Variants in TSR3 observed in about 807,000 individuals in gnomAD.
TSR3 encodes the protein 18S rRNA aminocarboxypropyltransferase.
Under a neutral mutation model 28.1 loss-of-function variants are expected in TSR3, and 31 were observed. The observed-to-expected ratio is 1.10, with a 90% confidence interval of 0.83 to 1.49. The LOEUF (loss-of-function observed/expected upper bound fraction) is 1.49. Ranked by LOEUF, TSR3 falls within the 40% of genes most tolerant of loss-of-function variation. The probability of loss-of-function intolerance (pLI) is 0.00; values close to 1 mark genes in which losing one functional copy is unlikely to be tolerated. For synonymous variants in TSR3, 219 were observed against 197.2 expected, an observed-to-expected ratio of 1.11 and a Z score of -0.93; for missense variants, 511 against 444.0, an observed-to-expected ratio of 1.15 and a Z score of -1.36.
intron 3 of TSR3, 147 bp from the exon 4 acceptor site, chr16:1,350,381 G>T (rs2034637991): frequency 1.1e-6 from 1 of 877,748 alleles, no homozygotes; most frequent in African/African-American, 1.7e-5. Flanking sequence ...AACCCGTGCT[G>T]CCCCCAGCCT....
Position 1,349,247 on chromosome 16 carries a change from C to T in TSR3, c.*190G>A. On this transcript the variant is annotated 3_prime_UTR_variant, in exon 6 of 6. Coordinates refer to ENST00000007390, the MANE Select transcript of TSR3 (RefSeq NM_001001410.3). ...AACAGACTCACAAGGGGCTTCTTGG[C>T]CTGCAGCTTCATTTGCGAGAGCGCC... 4 of 682,628 alleles carry T rather than the reference C, an allele frequency of 5.9e-6. No homozygotes were observed. In the South Asian group the frequency reaches 7.0e-5, roughly 12 times the overall value. 42.3% of individuals were successfully genotyped at this position (682,628 alleles called of 1,614,324 possible).
chr16:1,350,010 A>AC (rs752098196), intron 4 of TSR3, 48 bp downstream of exon 4: 8 of 1,609,184 alleles, frequency 5.0e-6, no homozygotes, highest in African/African-American at 2.7e-5. Context: ...CAGGCCTCCC[A>AC]CCCCCCAGGC....
At chr16:1,350,570 G>A (rs1734739263) in intron 3 of TSR3, among the ~76,000 whole-genome samples, 1 of 152,174 alleles carries the variant, frequency 6.6e-6, no homozygotes, top group South Asian at 2.1e-4. Flanking sequence ...CCCTGATAAT[G>A]AATGGCACCC....
rs1309358236 is a variant in TSR3 at position 1,351,508 on chromosome 16, C to A, written c.203G>T (p.Cys68Phe). The A allele has an allele frequency of 6.5e-7, 1 of 1,540,290 alleles. No homozygotes were observed. Among genetic ancestry groups the A allele is most frequent in the Admixed American group, 1.9e-5 (1 of 51,714 alleles). ...GCGGCCCGTGCAGCGCCGGGGGTCG[C>A]AGTGGCCCAACTCCCACATGGCCAG... ...CTLAMWELGH[C>F]DPRRCTGRKL... The change falls in exon 2 of 6, where the codon TGC becomes TTC. Residue 68 changes from cysteine (C) to phenylalanine (F), a missense_variant. By Grantham distance (205) the Cys-to-Phe change is radical. Coordinates refer to ENST00000007390, the MANE Select transcript of TSR3 (RefSeq NM_001001410.3).
In TSR3 at chr16:1,351,786, C is replaced by A; in HGVS notation, c.19G>T (p.Ala7Ser). 1 of 1,336,782 alleles carries A rather than the reference C, an allele frequency of 7.5e-7. No individual in the cohort carries two copies. Among genetic ancestry groups the A allele is most frequent in the South Asian group, 1.9e-5 (1 of 52,280 alleles). The allele number at this position is 1,336,782 out of a possible 1,614,324, so 82.8% of individuals were successfully genotyped here. The change falls in exon 1 of 6, where the codon GCG becomes TCG. Residue 7 changes from alanine (A) to serine (S), a missense_variant. By Grantham distance (99) the Ala-to-Ser change is moderately conservative. Coordinates refer to ENST00000007390, the MANE Select transcript of TSR3 (RefSeq NM_001001410.3). MGRRRA[A>S]RGPGAEGGRP... ...CCGCCTTCCGCCCCCGGCCCGCGCG[C>A]TGCCCTCCTGCGGCCCATGGCGCGG...
rs778830021 is a variant in TSR3 at position 1,351,348 on chromosome 16, AGAC to A, written c.332+28_332+30del. The A allele has an allele frequency of 8.4e-6, 13 of 1,554,834 alleles. No homozygotes were observed. The South Asian group carries it at 9.3e-5, about 11-fold the overall frequency. On this transcript the variant is annotated intron_variant, in intron 2 of 5. Transcript: ENST00000007390. ...GAAGGGAACCACGCGCTGGAAATGAAGACGACCTCGGGCAGGCCTCCCGCGCCT... is the reference window on the plus strand; with the variant it reads ...GAAGGGAACCACGCGCTGGAAATGAAGACCTCGGGCAGGCCTCCCGCGCCT...
At position 1,351,757 on chromosome 16, in the gene TSR3, G is replaced by A. The variant is rs2141632225; in HGVS notation, c.48C>T (p.Arg16=). ...GGGAGCGCGTCGGGAGGTGCCGAGG[G>A]CGGCCGCCTTCCGCCCCCGGCCCGC... ...AARGPGAEGG[R]PRHLPTRSLE... is the part of the protein sequence containing the mutation. The change falls in exon 1 of 6, where the codon CGC becomes CGT. Residue 16 remains arginine (R), a synonymous_variant. Transcript: ENST00000007390. 1 of 1,355,006 alleles carries A rather than the reference G, an allele frequency of 7.4e-7. No homozygotes were observed. The highest frequency in any genetic ancestry group is 9.4e-7 in the Non-Finnish European group (1 of 1,058,974). 83.9% of individuals were successfully genotyped at this position (1,355,006 alleles called of 1,614,324 possible). A position where few individuals can be genotyped will look rare whatever the true frequency, so the allele number is the denominator to read the frequency against.
rs1491377397 is a variant in TSR3 at position 1,349,437 on chromosome 16, TCA to T, written c.937_938del (p.Ter313ArgfsTer12). On this transcript the variant is annotated frameshift_variant and stop_lost, in exon 6 of 6. Transcript: ENST00000007390. LOFTEE classifies it high-confidence loss of function. ...TCAAAAATATATGTGTCTGCAACCCTCAGTCTCTCTGCCGTTTCTTGATTCCT... is the reference window on the plus strand; with the variant it reads ...TCAAAAATATATGTGTCTGCAACCCTGTCTCTCTGCCGTTTCTTGATTCCT... ...WKGIKKRQRD[*>X] 39 of 1,613,578 alleles carry T rather than the reference TCA, an allele frequency of 2.4e-5. No homozygotes were observed. In the Admixed American group the frequency reaches 5.2e-4, roughly 21 times the overall value.
In TSR3 at chr16:1,349,959, C is replaced by G; in HGVS notation, c.704-7G>C. 3.1e-6 allele frequency: 5 copies of G among 1,613,374 alleles called. No homozygotes were observed. The highest frequency in any genetic ancestry group is 4.2e-6 in the Non-Finnish European group (5 of 1,179,974). ...GAATCCACATCGAAGGGATCTGAGCCGAGAGAGGAAAGTGGCCTCTAAGTG... is the reference window on the plus strand; with the variant it reads ...GAATCCACATCGAAGGGATCTGAGCGGAGAGAGGAAAGTGGCCTCTAAGTG... On this transcript the variant is annotated splice_polypyrimidine_tract_variant and splice_region_variant and intron_variant, in intron 4 of 5. Transcript: ENST00000007390.
At position 1,351,553 on chromosome 16, in the gene TSR3, G is replaced by A; in HGVS notation, c.158C>T (p.Pro53Leu). The A allele has an allele frequency of 6.8e-7, 1 of 1,477,180 alleles. No homozygotes were observed. The highest frequency in any genetic ancestry group is 8.9e-7 in the Non-Finnish European group (1 of 1,123,220). The allele number at this position is 1,477,180 out of a possible 1,614,324, so 91.5% of individuals were successfully genotyped here. Residue 53 changes from proline (P) to leucine (L), a missense_variant, in exon 2 of 6, where the codon CCG becomes CTG. Physicochemically the swap from Pro to Leu is moderately conservative, Grantham distance 98. Coordinates refer to ENST00000007390, the MANE Select transcript of TSR3 (RefSeq NM_001001410.3). ...GAADGEGGPG[P>L]AALPCTLAMW... ...GGCCAGCGTGCAGGGCAGCGCCGCCGGGCCCGGGCCGCCCTCGCCGTCAGC... is the reference window on the plus strand; with the variant it reads ...GGCCAGCGTGCAGGGCAGCGCCGCCAGGCCCGGGCCGCCCTCGCCGTCAGC...
chr16:1,349,280 G>C lies in TSR3; in HGVS notation c.*157C>G. On this transcript the variant is annotated 3_prime_UTR_variant, in exon 6 of 6. Coordinates refer to ENST00000007390, the MANE Select transcript of TSR3 (RefSeq NM_001001410.3). ...TTCATTTGCGAGAGCGCCGAGGCAG[G>C]ACACAGAGCACAGCTGTGCTGGAAG... is the stretch of plus-strand genomic sequence containing the variant. The C allele has an allele frequency of 1.2e-6, 1 of 820,750 alleles. No individual in the cohort carries two copies. Among genetic ancestry groups the C allele is most frequent in the South Asian group, 1.5e-5 (1 of 64,784 alleles). The allele number at this position is 820,750 out of a possible 1,614,324, so 50.8% of individuals were successfully genotyped here.
At chr16:1,351,233 G>C (rs559155014) in intron 2 of TSR3, 146 bp downstream of exon 2, 1 of 1,013,310 alleles carries the variant, frequency 9.9e-7, no homozygotes, top group African/African-American at 1.6e-5. Flanking sequence ...CAGGCTCTGC[G>C]CTACGCAACG....
Position 1,349,558 on chromosome 16 carries a change from C to T in TSR3, c.818G>A (p.Gly273Asp). The T allele has an allele frequency of 3.1e-6, 5 of 1,613,088 alleles. No individual in the cohort carries two copies. Among genetic ancestry groups the T allele is most frequent in the Non-Finnish European group, 4.2e-6 (5 of 1,179,942 alleles). ...DSDASEDPGPGAERGGASSSC... is the reference protein window; with the variant it reads ...DSDASEDPGPDAERGGASSSC... ...GCTGCTGGCTCCTCCGCGCTCGGCG[C>T]CAGGCCCTGGGTCCTCAGACGCATC... is the stretch of plus-strand genomic sequence containing the variant. Residue 273 changes from glycine (G) to aspartate (D), a missense_variant, in exon 6 of 6, where the codon GGC becomes GAC. Transcript: ENST00000007390.
intron 4 of TSR3, 36 bp downstream of exon 4, chr16:1,350,022 T>G (rs1269317836): frequency 1.2e-6 from 2 of 1,609,922 alleles, no homozygotes; most frequent in African/African-American, 2.7e-5. Context: ...CCCCCAGGCT[T>G]TGGAGGGCCT....
chr16:1,351,755 G>A lies in TSR3; in HGVS notation c.50C>T (p.Pro17Leu), dbSNP rs2034684403. The change falls in exon 1 of 6, where the codon CCT becomes CTT. Residue 17 changes from proline to leucine, a missense_variant. Pro to Leu is a moderately conservative substitution (Grantham distance 98). Coordinates refer to ENST00000007390, the MANE Select transcript of TSR3 (RefSeq NM_001001410.3). Reference sequence around the variant, plus strand: ...CAGGGAGCGCGTCGGGAGGTGCCGAGGGCGGCCGCCTTCCGCCCCCGGCCC... The same window carrying A: ...CAGGGAGCGCGTCGGGAGGTGCCGAAGGCGGCCGCCTTCCGCCCCCGGCCC... ...ARGPGAEGGR[P>L]RHLPTRSLEA... 1 of 1,355,600 alleles carries A rather than the reference G, an allele frequency of 7.4e-7. No homozygotes were observed. Among genetic ancestry groups the A allele is most frequent in the Non-Finnish European group, 9.4e-7 (1 of 1,059,238 alleles). 84.0% of individuals were successfully genotyped at this position (1,355,600 alleles called of 1,614,324 possible).
At position 1,351,499 on chromosome 16, in the gene TSR3, C is replaced by G; in HGVS notation, c.212G>C (p.Arg71Pro). 6.4e-7 allele frequency: 1 copy of G among 1,552,782 alleles called. No homozygotes were observed. ...AMWELGHCDP[R>P]RCTGRKLARL... ...GGCCAGCTTGCGGCCCGTGCAGCGC[C>G]GGGGGTCGCAGTGGCCCAACTCCCA... Residue 71 changes from arginine to proline, a missense_variant, in exon 2 of 6, where the codon CGG becomes CCG. Arg to Pro is a moderately radical substitution (Grantham distance 103). Coordinates refer to ENST00000007390, the MANE Select transcript of TSR3 (RefSeq NM_001001410.3).
chr16:1,350,648 TG>T (rs1272004132), intron 3 of TSR3, among the ~76,000 whole-genome samples, 158 bp downstream of exon 3: 2 of 152,144 alleles, frequency 1.3e-5, no homozygotes, highest in Admixed American at 1.3e-4. Flanking sequence ...GCCGAAAACC[TG>T]AAGTGACAGT....
At position 1,350,754 on chromosome 16, in the gene TSR3, T is replaced by C. The variant is rs1049586112; in HGVS notation, c.526+53A>G. Reference sequence around the variant, plus strand: ...GGCAGGAAACATGATGCTGGGAGCATAGCAGGAACAGCAGGCCGCCGGGTC... The same window carrying C: ...GGCAGGAAACATGATGCTGGGAGCACAGCAGGAACAGCAGGCCGCCGGGTC... On this transcript the variant is annotated intron_variant, in intron 3 of 5. Coordinates refer to ENST00000007390, the MANE Select transcript of TSR3 (RefSeq NM_001001410.3). 45 of 1,569,904 alleles carry C rather than the reference T, an allele frequency of 2.9e-5. No individual in the cohort carries two copies. In the South Asian group the frequency reaches 3.8e-4, roughly 13 times the overall value.
At chr16:1,350,318 G>A (rs1229842500) in intron 3 of TSR3, 84 bp from the exon 4 acceptor site, 32 of 1,401,138 alleles carry the variant, frequency 2.3e-5, no homozygotes, top group Non-Finnish European at 2.6e-5. Context: ...GGATGGCGGC[G>A]CTCTCCCAAG....
Sources: gnomAD v4.1 joint callset for allele counts (sites outside exome capture counted in the v4.1 genomes callset) on GRCh38, gnomAD v4.1.1 for gene constraint, MANE v1.5 for transcripts, NCBI Gene and HGNC (gene_info 2026-07-23, HGNC 2026-07-21) for gene names.